Variants in RASSF2 observed in about 807,000 individuals in gnomAD.
RASSF2 encodes the protein ras association domain-containing protein 2.
Under a neutral mutation model 46.3 loss-of-function variants are expected in RASSF2, and 34 were observed. The observed-to-expected ratio is 0.73, with a 90% CI of 0.56 to 0.98. The LOEUF (loss-of-function observed/expected upper bound fraction) is 0.98. RASSF2 is among the 50% of genes least tolerant of loss of function. The pLI, the probability that RASSF2 is intolerant of heterozygous loss-of-function variation, is 0.00. For missense variants in RASSF2, 364 were observed against 431.2 expected, an observed-to-expected ratio of 0.84 and a Z score of 1.38; for synonymous variants, 158 against 162.5, an observed-to-expected ratio of 0.97 and a Z score of 0.21.
In RASSF2 at chr20:4,798,094, G is replaced by GA. The variant is rs546757191; in HGVS notation, c.60-10dup. The GA allele has an allele frequency of 6.8e-5, 110 of 1,613,400 alleles. No individual in the cohort carries two copies. In the African/African-American group the frequency reaches 1.2e-3, roughly 18 times the overall value. On this transcript the variant is annotated splice_polypyrimidine_tract_variant and intron_variant, in intron 3 of 11. Coordinates refer to ENST00000379400, the MANE Select transcript of RASSF2 (RefSeq NM_014737.3). Reference sequence around the variant, plus strand: ...GCAAGAGAAGTTCATTTCTTAGGGGGAAAAATAGAAGAGATATAACATTAT... The same window carrying GA: ...GCAAGAGAAGTTCATTTCTTAGGGGGAAAAAATAGAAGAGATATAACATTAT...
intron 4 of RASSF2, among the ~76,000 whole-genome samples, chr20:4,797,468 T>C (rs1926441008): frequency 1.3e-5 from 2 of 152,148 alleles, no homozygotes; most frequent in Non-Finnish European, 2.9e-5. Context: ...TAACAGGCTT[T>C]AGAGAAATGG....
intron 4 of RASSF2, 93 bp downstream of exon 4, chr20:4,797,917 G>C: frequency 1.3e-6 from 2 of 1,548,524 alleles, no homozygotes; most frequent in East Asian, 2.3e-5. Flanking sequence ...GGAGAGGCAG[G>C]GTTCTCTTGG....
intron 3 of RASSF2, among the ~76,000 whole-genome samples, chr20:4,799,105 G>T (rs961377968): frequency 6.6e-6 from 1 of 152,162 alleles, no homozygotes; most frequent in South Asian, 2.1e-4. Context: ...ACCTTGGGGA[G>T]TAGTGACAAG....
intron 10 of RASSF2, 45 bp from the exon 11 acceptor site, chr20:4,786,373 T>C: frequency 7.0e-7 from 1 of 1,426,988 alleles, no homozygotes; most frequent in Non-Finnish European, 9.9e-7. Flanking sequence ...TTCCCAGCAT[T>C]ATTCCAATTC....
chr20:4,820,613 C>T (rs1568585575), intron 2 of RASSF2, among the ~76,000 whole-genome samples: 2 of 152,078 alleles, frequency 1.3e-5, no homozygotes, highest in South Asian at 2.1e-4. Flanking sequence ...AACAACTGGA[C>T]GATGTTGTGA....
intron 2 of RASSF2, among the ~76,000 whole-genome samples, chr20:4,817,985 A>C (rs1408326448): frequency 6.6e-6 from 1 of 152,136 alleles, no homozygotes; most frequent in Admixed American, 6.5e-5. Flanking sequence ...AATAATCATT[A>C]GCCAGACGCA....
At chr20:4,794,739 T>C (rs1926195539) in intron 5 of RASSF2, among the ~76,000 whole-genome samples, 1 of 152,108 alleles carries the variant, frequency 6.6e-6, no homozygotes, top group Admixed American at 6.5e-5. Context: ...ATGGTGATAG[T>C]GCTGAAAAGC....
intron 2 of RASSF2, among the ~76,000 whole-genome samples, chr20:4,802,427 T>G (rs1404623860): frequency 6.6e-6 from 1 of 152,120 alleles, no homozygotes; most frequent in African/African-American, 2.4e-5. Flanking sequence ...GCAGCCCAAG[T>G]GTCCACTGAA....
At chr20:4,800,514 G>A (rs541735749) in intron 3 of RASSF2, among the ~76,000 whole-genome samples, 67 of 152,242 alleles carry the variant, frequency 4.4e-4, no homozygotes, top group Middle Eastern at 6.8e-3. Flanking sequence ...TCCTCACACC[G>A]CGGAGGAAAA....
intron 11 of RASSF2, among the ~76,000 whole-genome samples, chr20:4,784,652 G>A (rs1009829373): frequency 5.6e-5 from 8 of 143,138 alleles, no homozygotes; most frequent in Admixed American, 2.8e-4. Flanking sequence ...AGCATTCTAC[G>A]AATTCAGTGC....
intron 2 of RASSF2, among the ~76,000 whole-genome samples, chr20:4,815,522 A>T (rs1042174869): frequency 2.6e-5 from 4 of 152,216 alleles, no homozygotes; most frequent in African/African-American, 4.8e-5. Flanking sequence ...GGTATTTAGC[A>T]GGGCAAGCGT....
chr20:4,821,163 G>A (rs1008283932), intron 2 of RASSF2, among the ~76,000 whole-genome samples: 48 of 152,172 alleles, frequency 3.2e-4, no homozygotes, highest in Middle Eastern at 3.2e-3. Flanking sequence ...CAACTGGGAT[G>A]TCTCAGGTGG....
intron 11 of RASSF2, 120 bp downstream of exon 11, chr20:4,786,111 A>G: frequency 2.5e-6 from 2 of 813,034 alleles, no homozygotes; most frequent in Non-Finnish European, 4.1e-6. Context: ...CAGCCCTCCA[A>G]AGAAAGCCGA....
At chr20:4,819,817 T>C (rs1928574326) in intron 2 of RASSF2, among the ~76,000 whole-genome samples, 2 of 152,324 alleles carry the variant, frequency 1.3e-5, no homozygotes, top group Admixed American at 1.3e-4. Context: ...CACAGGTATT[T>C]CTCTGCCAAT....
intron 4 of RASSF2, among the ~76,000 whole-genome samples, chr20:4,797,448 A>C (rs1272570257): frequency 6.6e-6 from 1 of 152,240 alleles, no homozygotes; most frequent in East Asian, 1.9e-4. Context: ...ATAACTCATC[A>C]TCTATCTGAT....
chr20:4,809,554 C>T (rs1038879474), intron 2 of RASSF2, among the ~76,000 whole-genome samples: 1 of 152,160 alleles, frequency 6.6e-6, no homozygotes, highest in African/African-American at 2.4e-5. Context: ...TCTCTGGCCC[C>T]CAGCCCCCAG....
chr20:4,806,373 A>C (rs1535383), intron 2 of RASSF2, among the ~76,000 whole-genome samples: 107,232 of 152,010 alleles, frequency 0.71, 38,815 homozygotes, highest in East Asian at 0.98. Context: ...CTCACTCTCC[A>C]ACACTGGAGT....
intron 3 of RASSF2, among the ~76,000 whole-genome samples, chr20:4,798,853 A>G (rs560376156): frequency 2.3e-5 from 3 of 132,284 alleles, no homozygotes; most frequent in Non-Finnish European, 4.8e-5. Flanking sequence ...AACAAAAAAA[A>G]AAAAACTTGC....
At position 4,790,022 on chromosome 20, in the gene RASSF2, G is replaced by T. The variant is rs1169972264; in HGVS notation, c.538-325C>A. Among the ~76,000 whole-genome samples the T allele has an allele frequency of 6.6e-6, 1 of 152,178 alleles. No homozygotes were observed. The highest frequency in any genetic ancestry group is 2.1e-4 in the South Asian group (1 of 4,826). On this transcript the variant is annotated intron_variant, in intron 7 of 11. Coordinates refer to ENST00000379400, the MANE Select transcript of RASSF2 (RefSeq NM_014737.3). The surrounding 1 kb of genome is among the most constrained non-coding windows in gnomAD (Gnocchi z 4.3). Reference sequence around the variant, plus strand: ...AGGGATCAGCAAGATGGGGTGGGGTGGGTGGTGCACTGACACCCCAGGTCT... The same window carrying T: ...AGGGATCAGCAAGATGGGGTGGGGTTGGTGGTGCACTGACACCCCAGGTCT...
Sources: gnomAD v4.1 joint callset for allele counts (sites outside exome capture counted in the v4.1 genomes callset) on GRCh38, gnomAD v4.1.1 for gene constraint, Gnocchi (gnomAD v3.1) non-coding constraint, MANE v1.5 for transcripts, NCBI Gene and HGNC (gene_info 2026-07-23, HGNC 2026-07-21) for gene names.